SHTN1: variants seen among roughly 807,000 people sequenced by gnomAD.
The protein encoded by SHTN1 is shootin 1.
SHTN1 carries 42 observed loss-of-function variants against 83.1 expected under a neutral mutation model. The ratio of observed to expected loss-of-function variants is 0.51; its 90% CI spans 0.39 to 0.65. The LOEUF is 0.65. Among genes scored for constraint, SHTN1 ranks in the 30% least tolerant of loss-of-function variants. The pLI is 0.00. For synonymous variants in SHTN1, 224 were observed against 247.7 expected (o/e 0.90, Z 0.90); for missense variants, 622 against 737.8 (o/e 0.84, Z 1.82).
chr10:116,928,158 T>C (rs149392562), intron 10 of SHTN1, among the ~76,000 whole-genome samples: 184 of 152,248 alleles, frequency 1.2e-3, no homozygotes, highest in Admixed American at 2.0e-3. Context: ...TTAAAAACAA[T>C]GGCTGAAGGG....
At chr10:117,025,055 G>C (rs1418479930) in intron 2 of SHTN1, among the ~76,000 whole-genome samples, 3 of 152,130 alleles carry the variant, frequency 2.0e-5, no homozygotes. Flanking sequence ...CCCCTTCAAG[G>C]ACACCAATTT....
intron 1 of SHTN1, among the ~76,000 whole-genome samples, chr10:117,085,063 C>A (rs1010314497): frequency 1.3e-5 from 2 of 152,158 alleles, no homozygotes; most frequent in South Asian, 2.1e-4. Context: ...GCTCCTCCCC[C>A]AGGGTTTGTG....
At chr10:116,941,961 A>G (rs1849386501) in intron 8 of SHTN1, among the ~76,000 whole-genome samples, 2 of 152,374 alleles carry the variant, frequency 1.3e-5, no homozygotes, top group East Asian at 1.9e-4. Flanking sequence ...ATTAAAACAC[A>G]TTACAAAGTC....
At chr10:117,064,405 C>T (rs1208133779) in intron 1 of SHTN1, among the ~76,000 whole-genome samples, 1 of 152,208 alleles carries the variant, frequency 6.6e-6, no homozygotes, top group Non-Finnish European at 1.5e-5. Flanking sequence ...CCCGTAATCC[C>T]GGCACTTTGG....
chr10:117,069,096 T>C (rs560067253), intron 1 of SHTN1, among the ~76,000 whole-genome samples: 4 of 152,048 alleles, frequency 2.6e-5, no homozygotes, highest in Non-Finnish European at 5.9e-5. Flanking sequence ...GAAAAGACCA[T>C]GAAAACTCTG....
At chr10:117,006,361 T>C (rs1852009559), upstream of SHTN1, among the ~76,000 whole-genome samples, 1 of 151,364 alleles carries the variant, frequency 6.6e-6, no homozygotes, top group African/African-American at 2.4e-5. Context: ...GGTCAGGAGA[T>C]CGAGACCATC....
intron 7 of SHTN1, among the ~76,000 whole-genome samples, chr10:116,946,019 A>T (rs1849561377): frequency 6.6e-6 from 1 of 152,110 alleles, no homozygotes; most frequent in East Asian, 1.9e-4. Context: ...GCAAAATTAA[A>T]CAATGCTGTT....
intron 1 of SHTN1, among the ~76,000 whole-genome samples, chr10:117,112,274 C>T (rs1036387759): frequency 1.1e-4 from 16 of 152,152 alleles, no homozygotes; most frequent in Non-Finnish European, 8.8e-5. Context: ...CCCCAGTTCT[C>T]TTAATAATAA....
At position 116,901,870 on chromosome 10, in the gene SHTN1, T is replaced by C; in HGVS notation, c.1568A>G (p.Lys523Arg). 1.9e-6 allele frequency: 3 copies of C among 1,608,024 alleles called. No individual in the cohort carries two copies. The highest frequency in any genetic ancestry group is 2.5e-6 in the Non-Finnish European group (3 of 1,178,408). ...VSSVTKTALNKKTLEAEFNSP... is the reference protein window; with the variant it reads ...VSSVTKTALNRKTLEAEFNSP... ...GTTGAATTCTGCCTCCAGAGTTTTC[T>C]TGTTCAAGGCTGTTTTTGTTACACT... The change falls in exon 16 of 17, where the codon AAG becomes AGG. Residue 523 changes from lysine (K) to arginine (R), a missense_variant. Around this residue, in one of 3 missense-constraint regions of SHTN1, gnomAD observed 231 missense variants for 251.6 expected, o/e 0.92. Coordinates refer to ENST00000355371, the MANE Select transcript of SHTN1 (RefSeq NM_001127211.3).
chr10:117,002,128 C>T (rs1321565173), intron 1 of SHTN1, among the ~76,000 whole-genome samples: 1 of 152,184 alleles, frequency 6.6e-6, no homozygotes, highest in Non-Finnish European at 1.5e-5. Flanking sequence ...CTGGTATAAT[C>T]ATTTTGGAGG....
At chr10:117,111,380 G>A (rs976199876) in intron 1 of SHTN1, among the ~76,000 whole-genome samples, 7 of 151,420 alleles carry the variant, frequency 4.6e-5, no homozygotes, top group East Asian at 4.0e-4. Context: ...TGTAACCTCC[G>A]CCTCCCAGGT....
chr10:116,889,783 TTCCATC>T (rs1183333341), intron 16 of SHTN1, among the ~76,000 whole-genome samples: 1 of 152,210 alleles, frequency 6.6e-6, no homozygotes, highest in Admixed American at 6.5e-5. Flanking sequence ...CCGAATCCGT[TTCCATC>T]TCCATCTTCC....
chr10:116,993,195 T>G (rs1017722981), intron 1 of SHTN1, among the ~76,000 whole-genome samples: 2 of 151,916 alleles, frequency 1.3e-5, no homozygotes, highest in South Asian at 4.1e-4. Context: ...TTTTGTATTT[T>G]TAGTAGAGAC....
chr10:116,959,436 T>C (rs966529608), intron 4 of SHTN1, among the ~76,000 whole-genome samples: 2 of 152,070 alleles, frequency 1.3e-5, no homozygotes, highest in African/African-American at 4.8e-5. Flanking sequence ...AGGTGGGTGA[T>C]GGAGGGGAGG....
At chr10:117,089,999 G>A (rs765115203) in intron 1 of SHTN1, among the ~76,000 whole-genome samples, 4 of 152,110 alleles carry the variant, frequency 2.6e-5, no homozygotes, top group African/African-American at 7.2e-5. Context: ...TAGTGCAGCC[G>A]CTATGGAAAA....
intron 2 of SHTN1, among the ~76,000 whole-genome samples, chr10:117,015,954 G>A (rs1466562584): frequency 6.6e-6 from 1 of 152,032 alleles, no homozygotes. Flanking sequence ...TTTGTTTTTT[G>A]ATAAACACTT....
At chr10:116,957,877 C>T (rs956996506) in intron 4 of SHTN1, among the ~76,000 whole-genome samples, 3 of 152,050 alleles carry the variant, frequency 2.0e-5, no homozygotes, top group African/African-American at 7.2e-5. Context: ...CTGGTCAACA[C>T]AGTGAAACAC....
intron 12 of SHTN1, among the ~76,000 whole-genome samples, chr10:116,919,382 C>A (rs569197454): frequency 6.6e-6 from 1 of 152,118 alleles, no homozygotes; most frequent in African/African-American, 2.4e-5. Flanking sequence ...ATCTCAAGAG[C>A]AACTTCTATA....
intron 2 of SHTN1, among the ~76,000 whole-genome samples, chr10:117,037,427 T>C (rs138289045): frequency 1.3e-5 from 2 of 152,280 alleles, no homozygotes; most frequent in East Asian, 3.9e-4. Context: ...ACTTAATAAA[T>C]GGAGAGATAT....
Sources: allele counts gnomAD v4.1 joint callset (sites outside exome capture counted in the v4.1 genomes callset), GRCh38; gene constraint gnomAD v4.1.1; regional missense constraint gnomAD v4.1.1; transcripts MANE v1.5; gene names NCBI Gene and HGNC (gene_info 2026-07-23, HGNC 2026-07-21).